The following HTR7 variants were observed in gnomAD, a reference collection of about 807,000 sequenced individuals.
HTR7 encodes the protein 5-HT-7.
A neutral mutation model predicts 34.0 loss-of-function variants in HTR7; 16 were observed. The observed-to-expected ratio is 0.47, with a 90% CI of 0.32 to 0.71. The LOEUF (loss-of-function observed/expected upper bound fraction) is 0.71, where lower values mean the gene tolerates loss of function less well. Among genes scored for constraint, HTR7 ranks in the 30% least tolerant of loss-of-function variants. The pLI is 0.04. For synonymous variants in HTR7, 265 were observed against 260.2 expected (o/e 1.02, Z -0.18); for missense variants, 504 against 625.5 (o/e 0.81, Z 2.07).
intron 1 of HTR7, among the ~76,000 whole-genome samples, chr10:90,760,708 C>T (rs1468397433): frequency 6.6e-6 from 1 of 152,046 alleles, no homozygotes; most frequent in Non-Finnish European, 1.5e-5. Flanking sequence ...GGTGAAACCC[C>T]ATCTGTACTA....
chr10:90,768,437 C>T (rs1443333107), intron 1 of HTR7, among the ~76,000 whole-genome samples: 1 of 152,144 alleles, frequency 6.6e-6, no homozygotes, highest in Non-Finnish European at 1.5e-5. Context: ...TGTTTCCATC[C>T]TCTTCATCCC....
intron 1 of HTR7, among the ~76,000 whole-genome samples, chr10:90,827,258 A>G (rs548259066): frequency 2.0e-5 from 3 of 152,258 alleles, no homozygotes; most frequent in Non-Finnish European, 4.4e-5. Context: ...GAAAAGACAC[A>G]GAGTAGGCTG....
chr10:90,786,845 C>T (rs567848613), intron 1 of HTR7, among the ~76,000 whole-genome samples: 1 of 152,262 alleles, frequency 6.6e-6, no homozygotes, highest in Admixed American at 6.5e-5. Flanking sequence ...GAGACCAGCC[C>T]CATGTAAGAG....
At chr10:90,831,282 T>G in intron 1 of HTR7, among the ~76,000 whole-genome samples, 1 of 152,150 alleles carries the variant, frequency 6.6e-6, no homozygotes, top group Middle Eastern at 3.2e-3. Flanking sequence ...TTCCTTCTGA[T>G]GTTCGGCTGT....
At chr10:90,808,521 C>T (rs939958629) in intron 1 of HTR7, among the ~76,000 whole-genome samples, 28 of 151,736 alleles carry the variant, frequency 1.8e-4, no homozygotes, top group Admixed American at 7.2e-4. Context: ...CTCTGTGCTC[C>T]GATCCCTTAT....
chr10:90,793,093 C>T (rs1048953159), intron 1 of HTR7, among the ~76,000 whole-genome samples: 1 of 151,974 alleles, frequency 6.6e-6, no homozygotes, highest in African/African-American at 2.4e-5. Context: ...TCAAAGAAAA[C>T]AATCAAGAGG....
At chr10:90,759,186 TCA>T (rs1564672188) in intron 1 of HTR7, among the ~76,000 whole-genome samples, 1 of 98,250 alleles carries the variant, frequency 1.0e-5, no homozygotes. Context: ...AAACTCTGTC[TCA>T]AAAAAAAAAA....
intron 1 of HTR7, among the ~76,000 whole-genome samples, chr10:90,786,761 A>T (rs1845386087): frequency 1.3e-5 from 2 of 152,182 alleles, no homozygotes; most frequent in African/African-American, 4.8e-5. Flanking sequence ...TGCCTTCAAG[A>T]TGTTTGTTCA....
Position 90,742,305 on chromosome 10 carries a change from G to A in HTR7, c.*177C>T. ...CAATAGCACTGATCCACAGAAAAAA[G>A]GAGAAGTCACCATCTCCCTCATAAG... On this transcript the variant is annotated 3_prime_UTR_variant, in exon 4 of 4. Coordinates refer to ENST00000336152, the MANE Select transcript of HTR7 (RefSeq NM_019859.4). The A allele has an allele frequency of 1.9e-6, 1 of 517,624 alleles. No homozygotes were observed. Among genetic ancestry groups the A allele is most frequent in the Non-Finnish European group, 3.4e-6 (1 of 291,492 alleles). 32.1% of individuals were successfully genotyped at this position (517,624 alleles called of 1,614,324 possible).
At chr10:90,777,930 C>T (rs1017674134) in intron 1 of HTR7, among the ~76,000 whole-genome samples, 5 of 152,218 alleles carry the variant, frequency 3.3e-5, no homozygotes, top group Admixed American at 6.5e-5. Flanking sequence ...AAATCCCACA[C>T]ACCCCTTCAT....
At chr10:90,776,711 T>G (rs1432109119) in intron 1 of HTR7, among the ~76,000 whole-genome samples, 1 of 152,242 alleles carries the variant, frequency 6.6e-6, no homozygotes, top group Non-Finnish European at 1.5e-5. Flanking sequence ...TTTTCTTTTT[T>G]GAATCCTAAG....
At chr10:90,789,058 T>C (rs148206482) in intron 1 of HTR7, among the ~76,000 whole-genome samples, 1 of 152,202 alleles carries the variant, frequency 6.6e-6, no homozygotes, top group Admixed American at 6.5e-5. Context: ...TAATGTTATA[T>C]TGTCATCGTG....
chr10:90,759,370 G>A (rs897477096), intron 1 of HTR7, among the ~76,000 whole-genome samples: 3 of 151,748 alleles, frequency 2.0e-5, no homozygotes, highest in Admixed American at 6.6e-5. Context: ...TAAAACCAGG[G>A]AAAGGCCGGG....
intron 1 of HTR7, among the ~76,000 whole-genome samples, chr10:90,851,349 G>A (rs1846495830): frequency 6.6e-6 from 1 of 152,152 alleles, no homozygotes; most frequent in Admixed American, 6.5e-5. Flanking sequence ...GCTCACACCT[G>A]CAATCCCAGC....
At chr10:90,787,498 A>C (rs1436678767) in intron 1 of HTR7, among the ~76,000 whole-genome samples, 3 of 152,090 alleles carry the variant, frequency 2.0e-5, no homozygotes, top group Non-Finnish European at 4.4e-5. Flanking sequence ...TCTCAAAAAA[A>C]ATAAAAATAA....
intron 1 of HTR7, among the ~76,000 whole-genome samples, chr10:90,750,703 A>G (rs1844720148): frequency 3.3e-5 from 5 of 152,236 alleles, no homozygotes; most frequent in Admixed American, 3.3e-4. Flanking sequence ...TTAGTAGGTT[A>G]GAACTCAAAA....
intron 1 of HTR7, among the ~76,000 whole-genome samples, chr10:90,838,990 C>T (rs902875430): frequency 2.0e-5 from 3 of 152,124 alleles, no homozygotes; most frequent in Non-Finnish European, 4.4e-5. Flanking sequence ...TGTTATTTGC[C>T]TTGCTTATGA....
intron 1 of HTR7, among the ~76,000 whole-genome samples, chr10:90,837,958 TC>T (rs1564699350): frequency 6.6e-6 from 1 of 152,230 alleles, no homozygotes; most frequent in East Asian, 1.9e-4. Flanking sequence ...TGACAGGTGT[TC>T]CTCATATCGC....
In HTR7 at chr10:90,754,137, A is replaced by C. The variant is rs186386637; in HGVS notation, c.540-4543T>G. 3.3e-3 allele frequency among the ~76,000 whole-genome samples: 496 copies of C among 152,246 alleles called. 9 individuals are homozygous for C. The highest frequency in any genetic ancestry group is 9.1e-4 in the Non-Finnish European group (62 of 67,986). ...ATTCCTAATTTATATGATTCTGGCA[A>C]TAGAAACAATCTGGTTCATAAAATC... On this transcript the variant is annotated intron_variant, in intron 1 of 3. Transcript: ENST00000336152.
Sources: gnomAD v4.1 joint callset for allele counts (sites outside exome capture counted in the v4.1 genomes callset) on GRCh38, gnomAD v4.1.1 for gene constraint, MANE v1.5 for transcripts, NCBI Gene and HGNC (gene_info 2026-07-23, HGNC 2026-07-21) for gene names.